Variants in ERICH1 observed in about 807,000 individuals in gnomAD.
The protein encoded by ERICH1 is glutamate rich 1.
A neutral mutation model predicts 39.6 loss-of-function variants in ERICH1; 56 were observed. The observed-to-expected ratio is 1.41, with a 90% confidence interval of 1.14 to 1.77. The LOEUF (loss-of-function observed/expected upper bound fraction) is 1.77. Ranked by LOEUF, ERICH1 falls within the 40% of genes most tolerant of loss-of-function variation. ERICH1 has a pLI of 0.00. For synonymous variants in ERICH1, 313 were observed against 223.6 expected, an observed-to-expected ratio of 1.40 and a Z score of -3.57; for missense variants, 826 against 575.4, an observed-to-expected ratio of 1.44 and a Z score of -4.45.
intron 3 of ERICH1, among the ~76,000 whole-genome samples, chr8:618,171 T>G (rs1444201491): frequency 6.7e-6 from 1 of 150,100 alleles, no homozygotes; most frequent in African/African-American, 2.5e-5. Flanking sequence ...CAGTACTGAG[T>G]ACTCCATCTG....
intron 3 of ERICH1, among the ~76,000 whole-genome samples, chr8:631,127 C>T (rs1023318731): frequency 2.0e-5 from 3 of 152,238 alleles, no homozygotes; most frequent in African/African-American, 7.2e-5. Flanking sequence ...CTATGATCAC[C>T]CACATGAGGC....
intron 3 of ERICH1, among the ~76,000 whole-genome samples, chr8:642,319 G>T (rs1430561817): frequency 7.2e-6 from 1 of 138,470 alleles, no homozygotes; most frequent in African/African-American, 2.7e-5. Flanking sequence ...TCCCTAAAAA[G>T]AATATCATGG....
chr8:686,417 A>C (rs1057321442), intron 3 of ERICH1, among the ~76,000 whole-genome samples: 1 of 152,142 alleles, frequency 6.6e-6, no homozygotes, highest in East Asian at 1.9e-4. Context: ...GAACAAATGC[A>C]TTCTTTTCTT....
At chr8:723,540 A>G (rs1348468414) in intron 1 of ERICH1, among the ~76,000 whole-genome samples, 1 of 152,246 alleles carries the variant, frequency 6.6e-6, no homozygotes, top group African/African-American at 2.4e-5. Flanking sequence ...TTCCACTAAA[A>G]CCACAAAACA....
chr8:665,019 G>A (rs575356732), intron 5 of ERICH1, among the ~76,000 whole-genome samples: 60 of 152,224 alleles, frequency 3.9e-4, no homozygotes, highest in Admixed American at 1.7e-3. Context: ...CATATAAACC[G>A]AAATGAAAAT....
At chr8:693,604 C>T (rs1021126471) in intron 2 of ERICH1, among the ~76,000 whole-genome samples, 2 of 151,238 alleles carry the variant, frequency 1.3e-5, no homozygotes, top group Non-Finnish European at 1.5e-5. Flanking sequence ...CCTCTGCATA[C>T]GGAACCTCCC....
At chr8:664,101 C>G (rs1023260119), downstream of ERICH1, 10 of 401,962 alleles carry the variant, frequency 2.5e-5, no homozygotes, top group Non-Finnish European at 3.4e-5. Context: ...GAACTGACGA[C>G]TGCTTCTATG....
At chr8:627,449 G>A (rs1015248974) in intron 3 of ERICH1, among the ~76,000 whole-genome samples, 5 of 152,152 alleles carry the variant, frequency 3.3e-5, no homozygotes, top group Admixed American at 6.6e-5. Flanking sequence ...AGGCATTTGC[G>A]CTATGTTATA....
At chr8:686,627 A>G (rs1807456193) in intron 3 of ERICH1, 1 of 152,322 alleles carries the variant, frequency 6.6e-6, no homozygotes, top group Non-Finnish European at 1.5e-5. Flanking sequence ...AAACATGACC[A>G]TACACAGTGC....
chr8:698,220 TTTC>T (rs144920336), intron 2 of ERICH1, among the ~76,000 whole-genome samples: 29,542 of 111,592 alleles, frequency 0.26, 3,211 homozygotes, highest in Middle Eastern at 0.44. Context: ...TCATATTCCT[TTTC>T]TTTTTTTTTT....
At chr8:678,181 C>T (rs896120783) in intron 3 of ERICH1, among the ~76,000 whole-genome samples, 8 of 151,880 alleles carry the variant, frequency 5.3e-5, no homozygotes, top group African/African-American at 1.9e-4. Context: ...ACATCCTTTT[C>T]TCAGGATGCT....
intron 3 of ERICH1, among the ~76,000 whole-genome samples, chr8:684,633 A>T (rs894770609): frequency 6.6e-6 from 1 of 152,106 alleles, no homozygotes; most frequent in African/African-American, 2.4e-5. Flanking sequence ...CCTCCTGGGG[A>T]TATCGGGGGA....
At chr8:656,776 C>G in intron 3 of ERICH1, 1 of 985,452 alleles carries the variant, frequency 1.0e-6, no homozygotes, top group African/African-American at 1.7e-5. Context: ...CCAAACGGTG[C>G]ACAGCAGTGG....
intron 3 of ERICH1, among the ~76,000 whole-genome samples, chr8:627,937 G>A (rs1051108505): frequency 9.8e-5 from 15 of 152,294 alleles, no homozygotes; most frequent in African/African-American, 2.9e-4. Flanking sequence ...AGAGAACACA[G>A]GGGCCGGGGG....
At chr8:619,294 G>C (rs546524024) in intron 3 of ERICH1, among the ~76,000 whole-genome samples, 138 of 152,238 alleles carry the variant, frequency 9.1e-4, no homozygotes, top group African/African-American at 3.1e-3. Flanking sequence ...GACCCACCGC[G>C]CACGAGGGGG....
chr8:716,458 G>A (rs1426186560), intron 1 of ERICH1, among the ~76,000 whole-genome samples: 2 of 152,268 alleles, frequency 1.3e-5, no homozygotes, highest in African/African-American at 4.8e-5. Context: ...GGGCCCTGAG[G>A]CAGGGCAGGC....
At chr8:699,524 C>T (rs1283396009) in intron 2 of ERICH1, among the ~76,000 whole-genome samples, 1 of 152,208 alleles carries the variant, frequency 6.6e-6, no homozygotes, top group African/African-American at 2.4e-5. Flanking sequence ...ACCCTCCCCA[C>T]CCCTCAGGGT....
At chr8:726,012 G>GA (rs1465573682) in intron 1 of ERICH1, 1 of 152,584 alleles carries the variant, frequency 6.6e-6, no homozygotes, top group Non-Finnish European at 1.5e-5. Context: ...ATGTGTCAAT[G>GA]AACACAGCCC....
chr8:668,370 C>T (rs79549282), intron 5 of ERICH1: 11,844 of 564,092 alleles, frequency 0.021, 181 homozygotes, highest in Middle Eastern at 0.045. Context: ...CTCCCAAGTC[C>T]GGAAACTTAG....
Sources: gnomAD v4.1 joint callset for allele counts (sites outside exome capture counted in the v4.1 genomes callset) on GRCh38, gnomAD v4.1.1 for gene constraint, MANE v1.5 for transcripts, NCBI Gene and HGNC (gene_info 2026-07-23, HGNC 2026-07-21) for gene names.